Variants in PAH observed in about 807,000 individuals in gnomAD.
The protein encoded by PAH is phenylalanine hydroxylase.
Under a neutral mutation model 62.0 loss-of-function variants are expected in PAH, and 64 were observed. The ratio of observed to expected loss-of-function variants is 1.03; its 90% CI spans 0.84 to 1.27. PAH has a LOEUF of 1.27. Ranked by LOEUF, PAH falls within the 50% of genes most tolerant of loss-of-function variation. The pLI, the probability that PAH is intolerant of heterozygous loss-of-function variation, is 0.00. For synonymous variants in PAH, 195 were observed against 196.2 expected, an observed-to-expected ratio of 0.99 and a Z score of 0.05; for missense variants, 579 against 542.8, an observed-to-expected ratio of 1.07 and a Z score of -0.66.
chr12:102,900,647 G>GCATGTAATTTCCTT (rs1451811008), intron 2 of PAH, among the ~76,000 whole-genome samples: 4 of 152,028 alleles, frequency 2.6e-5, no homozygotes, highest in African/African-American at 9.7e-5. Context: ...CTCCAGTTTG[G>GCATGTAATTTCCTT]CATGTAATTT....
intron 1 of PAH, among the ~76,000 whole-genome samples, chr12:102,928,089 G>A (rs887007259): frequency 1.8e-4 from 27 of 152,076 alleles, no homozygotes; most frequent in Non-Finnish European, 3.2e-4. Flanking sequence ...CAGGCACATC[G>A]GAAAGGTTAT....
At chr12:102,885,029 G>A (rs1203014739) in intron 3 of PAH, among the ~76,000 whole-genome samples, 1 of 152,198 alleles carries the variant, frequency 6.6e-6, no homozygotes, top group Non-Finnish European at 1.5e-5. Flanking sequence ...TCACCAAAAA[G>A]CAATGCTGGG....
At chr12:102,935,930 G>A (rs374755952) in intron 1 of PAH, among the ~76,000 whole-genome samples, 58 of 150,894 alleles carry the variant, frequency 3.8e-4, no homozygotes, top group Non-Finnish European at 6.1e-4. Context: ...TTAATTTTGG[G>A]TTTTGTTTGC....
intron 5 of PAH, among the ~76,000 whole-genome samples, chr12:102,860,878 A>G (rs1036964977): frequency 6.6e-6 from 1 of 152,192 alleles, no homozygotes; most frequent in South Asian, 2.1e-4. Flanking sequence ...AACCATAAAA[A>G]CCCTAGAAGA....
intron 1 of PAH, among the ~76,000 whole-genome samples, chr12:102,956,208 C>T (rs1879906948): frequency 6.6e-6 from 1 of 152,240 alleles, no homozygotes; most frequent in Non-Finnish European, 1.5e-5. Context: ...GATGATTGCC[C>T]TCCACTTCGT....
chr12:102,872,525 G>C (rs1446512207), intron 4 of PAH, among the ~76,000 whole-genome samples: 1 of 152,166 alleles, frequency 6.6e-6, no homozygotes, highest in Admixed American at 6.5e-5. Context: ...AACTCTGACA[G>C]GGCCTCAGGT....
chr12:102,958,204 C>T, exon 1 of PAH: 2 of 1,422,300 alleles, frequency 1.4e-6, no homozygotes, highest in Non-Finnish European at 1.8e-6. Context: ...CCTCGCGTCC[C>T]GGATCGCTCT....
At chr12:102,922,127 A>T (rs1878564096), upstream of PAH, among the ~76,000 whole-genome samples, 1 of 151,166 alleles carries the variant, frequency 6.6e-6, no homozygotes. Context: ...GATAGTGTAT[A>T]TGCATATATT....
intron 1 of PAH, among the ~76,000 whole-genome samples, chr12:102,935,647 C>A (rs574248146): frequency 6.6e-6 from 1 of 152,030 alleles, no homozygotes; most frequent in African/African-American, 2.4e-5. Flanking sequence ...AGGAATGTAT[C>A]CATTTCTTCT....
chr12:102,903,462 T>C (rs1877848626), intron 2 of PAH, among the ~76,000 whole-genome samples: 1 of 152,020 alleles, frequency 6.6e-6, no homozygotes. Context: ...GGCCACAACC[T>C]CTGTGATCAT....
At chr12:102,883,100 T>C (rs1876890349) in intron 3 of PAH, among the ~76,000 whole-genome samples, 1 of 152,090 alleles carries the variant, frequency 6.6e-6, no homozygotes, top group South Asian at 2.1e-4. Flanking sequence ...ATGTGGGTAT[T>C]AGATTTATCG....
At chr12:102,955,166 C>T (rs1442468474), upstream of PAH, among the ~76,000 whole-genome samples, 1 of 152,112 alleles carries the variant, frequency 6.6e-6, no homozygotes, top group African/African-American at 2.4e-5. Flanking sequence ...CACTTCCACT[C>T]CATTTGGGCA....
intron 3 of PAH, among the ~76,000 whole-genome samples, chr12:102,889,909 C>T (rs1420188177): frequency 6.6e-6 from 1 of 152,132 alleles, no homozygotes; most frequent in Non-Finnish European, 1.5e-5. Flanking sequence ...TATTAATGCT[C>T]TTTCATGTTG....
upstream of PAH, among the ~76,000 whole-genome samples, chr12:102,918,246 A>T (rs969002342): frequency 3.9e-5 from 6 of 152,196 alleles, no homozygotes; most frequent in Admixed American, 2.0e-4. Context: ...ACTGACCAGG[A>T]GGTAAAACAA....
intron 5 of PAH, among the ~76,000 whole-genome samples, chr12:102,859,806 T>C (rs577102689): frequency 6.6e-6 from 1 of 152,236 alleles, no homozygotes; most frequent in Admixed American, 6.5e-5. Flanking sequence ...ATAAATTAGG[T>C]ATTGATGGGA....
chr12:102,929,684 C>A (rs1280459440), intron 1 of PAH, among the ~76,000 whole-genome samples: 1 of 152,096 alleles, frequency 6.6e-6, no homozygotes, highest in Non-Finnish European at 1.5e-5. Context: ...TAGGTGATTG[C>A]ACTTGTCCAG....
At chr12:102,849,259 G>A (rs1015920386) in intron 8 of PAH, among the ~76,000 whole-genome samples, 1 of 152,196 alleles carries the variant, frequency 6.6e-6, no homozygotes, top group Non-Finnish European at 1.5e-5. Context: ...CTGGAAGGGC[G>A]GAATTCCTAT....
intron 10 of PAH, 110 bp downstream of exon 10, chr12:102,844,226 T>C (rs1039656651): frequency 2.6e-6 from 2 of 768,930 alleles, no homozygotes; most frequent in African/African-American, 1.7e-5. Context: ...AGTTCCCAGG[T>C]TGCATATCAA....
At chr12:102,844,925 G>A (rs1010979094) in intron 9 of PAH, among the ~76,000 whole-genome samples, 9 of 152,164 alleles carry the variant, frequency 5.9e-5, no homozygotes, top group East Asian at 3.9e-4. Flanking sequence ...GCAGCATATC[G>A]TGGGACCTCT....
Sources: gnomAD v4.1 joint callset for allele counts (sites outside exome capture counted in the v4.1 genomes callset) on GRCh38, gnomAD v4.1.1 for gene constraint, MANE v1.5 for transcripts, NCBI Gene and HGNC (gene_info 2026-07-23, HGNC 2026-07-21) for gene names.